The following EHF variants were observed in gnomAD, a reference collection of about 807,000 sequenced individuals.
EHF encodes ETS homologous factor, also known as ESE3 transcription factor.
A neutral mutation model predicts 45.1 loss-of-function variants in EHF; 14 were observed. The observed-to-expected ratio is 0.31, with a 90% CI of 0.21 to 0.49. The LOEUF is 0.49. Among genes scored for constraint, EHF ranks in the 20% least tolerant of loss-of-function variants. EHF has a pLI of 0.99. For synonymous variants in EHF, 136 were observed against 131.8 expected, an observed-to-expected ratio of 1.03 and a Z score of -0.22; for missense variants, 282 against 371.4, an observed-to-expected ratio of 0.76 and a Z score of 1.98.
chr11:34,644,420 T>C (rs1854312309), intron 2 of EHF, among the ~76,000 whole-genome samples: 1 of 152,220 alleles, frequency 6.6e-6, no homozygotes, highest in South Asian at 2.1e-4. Context: ...TATAATTAGA[T>C]TTTTAGATTA....
intron 6 of EHF, among the ~76,000 whole-genome samples, chr11:34,652,524 C>T (rs143553494): frequency 5.6e-4 from 85 of 152,228 alleles, no homozygotes; most frequent in African/African-American, 2.0e-3. Flanking sequence ...GGTGCATTGG[C>T]GTGTACAGTG....
At position 34,651,807 on chromosome 11, in the gene EHF, T is replaced by A. The variant is rs1239569619; in HGVS notation, c.544+2T>A. ...CAACCACCAGTCACCTTCCTGTTGG[T>A]AAGCTGTCATCACATCTGAGGCTGG... On this transcript the variant is annotated splice_donor_variant, in intron 6 of 8. Coordinates refer to ENST00000257831, the MANE Select transcript of EHF (RefSeq NM_012153.6). LOFTEE classifies it high-confidence loss of function. 2 of 1,613,504 alleles carry A rather than the reference T, an allele frequency of 1.2e-6. No homozygotes were observed. The highest frequency in any genetic ancestry group is 2.7e-5 in the African/African-American group (2 of 74,904).
chr11:34,632,853 CA>C, intron 1 of EHF, among the ~76,000 whole-genome samples: 1 of 152,196 alleles, frequency 6.6e-6, no homozygotes, highest in Admixed American at 6.5e-5. Context: ...CAGCACCTAG[CA>C]AAGTGCCCAG....
In EHF at chr11:34,662,986, G is replaced by A. The variant is rs537392358; in HGVS notation, c.*4055G>A. Among the ~76,000 whole-genome samples, 132 of 152,156 alleles carry A rather than the reference G, an allele frequency of 8.7e-4. 1 individual carries two copies. The highest frequency in any genetic ancestry group is 1.5e-3 in the South Asian group (7 of 4,816). ...TAAAAAAAACTCCTGTTGAGACTGT[G>A]TCTTATGAACCTCTGAAACGTACAA... On this transcript the variant is annotated 3_prime_UTR_variant, in exon 9 of 9. Coordinates refer to ENST00000257831, the MANE Select transcript of EHF (RefSeq NM_012153.6).
At chr11:34,652,582 T>A (rs1441433330) in intron 6 of EHF, among the ~76,000 whole-genome samples, 2 of 152,210 alleles carry the variant, frequency 1.3e-5, no homozygotes, top group Admixed American at 6.5e-5. Context: ...GATCTGAGTA[T>A]GAACTTGTGG....
At chr11:34,656,767 G>T in intron 6 of EHF, 141 bp from the exon 7 acceptor site, 1 of 828,776 alleles carries the variant, frequency 1.2e-6, no homozygotes, top group Non-Finnish European at 1.8e-6. Context: ...TCTCTGTTTT[G>T]TTTGGTTCAC....
intron 4 of EHF, among the ~76,000 whole-genome samples, chr11:34,651,080 C>A (rs1855111785): frequency 6.6e-6 from 1 of 152,064 alleles, no homozygotes; most frequent in Non-Finnish European, 1.5e-5. Flanking sequence ...TGACAAGACT[C>A]TTCCTGAAAG....
chr11:34,648,072 G>T (rs553884248), intron 3 of EHF, among the ~76,000 whole-genome samples: 1 of 152,272 alleles, frequency 6.6e-6, no homozygotes, highest in East Asian at 1.9e-4. Flanking sequence ...TGCTGCTGTA[G>T]CCTCTGAGTT....
chr11:34,662,369 C>T lies in EHF; in HGVS notation c.*3438C>T, dbSNP rs1479510816. On this transcript the variant is annotated 3_prime_UTR_variant, in exon 9 of 9. Transcript: ENST00000257831. ...TACTTGCGCTGAAATGAAACCAAAACAGGCCGTTGGGTTCCACAAGTCAAT... is the reference window on the plus strand; with the variant it reads ...TACTTGCGCTGAAATGAAACCAAAATAGGCCGTTGGGTTCCACAAGTCAAT... 6.6e-6 allele frequency among the ~76,000 whole-genome samples: 1 copy of T among 151,992 alleles called. No homozygotes were observed. Among genetic ancestry groups the T allele is most frequent in the African/African-American group, 2.4e-5 (1 of 41,412 alleles).
In EHF at chr11:34,659,633, G is replaced by C. The variant is rs2134247570; in HGVS notation, c.*702G>C. On this transcript the variant is annotated 3_prime_UTR_variant, in exon 9 of 9. Transcript: ENST00000257831. The stretch of plus-strand genomic sequence containing the variant: ...TGTCTTCCTTTCTCCCCTTTGGATG[G>C]TTGGTGAAATACTTTAATTGCCCTG... 6.6e-6 allele frequency: 1 copy of C among 152,250 alleles called. No homozygotes were observed. Among genetic ancestry groups the C allele is most frequent in the South Asian group, 2.1e-4 (1 of 4,814 alleles). The allele number at this position is 152,250 out of a possible 1,614,324, so 9.4% of individuals were successfully genotyped here.
chr11:34,657,028 G>A, intron 7 of EHF, 58 bp downstream of exon 7: 1 of 1,596,626 alleles, frequency 6.3e-7, no homozygotes, highest in Admixed American at 1.7e-5. Context: ...GGGCACATCT[G>A]GAGGCCACTA....
chr11:34,637,757 G>T (rs953176915), intron 1 of EHF, among the ~76,000 whole-genome samples: 3 of 152,116 alleles, frequency 2.0e-5, no homozygotes, highest in African/African-American at 7.2e-5. Flanking sequence ...AAGAGGTGAA[G>T]TTTGGGAAAA....
intron 1 of EHF, among the ~76,000 whole-genome samples, chr11:34,640,772 C>A (rs544858482): frequency 6.6e-6 from 1 of 152,230 alleles, no homozygotes; most frequent in South Asian, 2.1e-4. Context: ...AGTATAGTCA[C>A]CATCTGTAAA....
Position 34,660,641 on chromosome 11 carries a change from A to G in EHF, c.*1710A>G, listed in dbSNP as rs889754115. 1.3e-5 allele frequency: 2 copies of G among 152,090 alleles called. No homozygotes were observed. The highest frequency in any genetic ancestry group is 2.9e-5 in the Non-Finnish European group (2 of 67,998). The allele number at this position is 152,090 out of a possible 1,614,324, so 9.4% of individuals were successfully genotyped here. Reference sequence around the variant, plus strand: ...GTAGACACTTTGAAAATGGATTTGAATGTTCTCATCCCTTTTGCAGCTTTT... The same window carrying G: ...GTAGACACTTTGAAAATGGATTTGAGTGTTCTCATCCCTTTTGCAGCTTTT... On this transcript the variant is annotated 3_prime_UTR_variant, in exon 9 of 9. Transcript: ENST00000257831.
intron 4 of EHF, 66 bp from the exon 5 acceptor site, chr11:34,651,476 A>G: frequency 1.4e-6 from 2 of 1,385,984 alleles, no homozygotes; most frequent in East Asian, 2.3e-5. Flanking sequence ...AATGAATTAG[A>G]AAACGCAGCC....
At position 34,649,689 on chromosome 11, in the gene EHF, C is replaced by T. The variant is rs567698591; in HGVS notation, c.406+608C>T. ...TCTACATTCATTTTCGTTTCCTTTC[C>T]CCTGTCCTAAATCTCTCTCCTGGAG... On this transcript the variant is annotated intron_variant, in intron 4 of 8. Coordinates refer to ENST00000257831, the MANE Select transcript of EHF (RefSeq NM_012153.6). 3.9e-5 allele frequency among the ~76,000 whole-genome samples: 6 copies of T among 152,278 alleles called. No individual in the cohort carries two copies. The South Asian group carries it at 1.2e-3, about 32-fold the overall frequency.
At chr11:34,631,229 A>C (rs1262583558) in intron 1 of EHF, among the ~76,000 whole-genome samples, 1 of 151,982 alleles carries the variant, frequency 6.6e-6, no homozygotes, top group African/African-American at 2.4e-5. Context: ...ACGGGGTTTC[A>C]CCATATTAAC....
rs1357344758 is a variant in EHF at position 34,642,659 on chromosome 11, A to G, written c.29A>G (p.Asn10Ser). 6.2e-7 allele frequency: 1 copy of G among 1,613,952 alleles called. No homozygotes were observed. The highest frequency in any genetic ancestry group is 8.5e-7 in the Non-Finnish European group (1 of 1,179,946). Reference sequence around the variant, plus strand: ...ATTCTGGAAGGAGGTGGTGTAATGAATCTCAACCCCGGCAACAACCTCCTT... The same window carrying G: ...ATTCTGGAAGGAGGTGGTGTAATGAGTCTCAACCCCGGCAACAACCTCCTT... MILEGGGVM[N>S]LNPGNNLLHQ... is the part of the protein sequence containing the mutation. Residue 10 changes from asparagine (N) to serine (S), a missense_variant, in exon 2 of 9, where the codon AAT becomes AGT. Transcript: ENST00000257831.
chr11:34,651,936 C>T, intron 6 of EHF, 131 bp downstream of exon 6: 1 of 865,954 alleles, frequency 1.2e-6, no homozygotes. Context: ...GATGGGGTTA[C>T]CATTAGACGA....
Sources: gnomAD v4.1 joint callset for allele counts (sites outside exome capture counted in the v4.1 genomes callset) on GRCh38, gnomAD v4.1.1 for gene constraint, MANE v1.5 for transcripts, NCBI Gene and HGNC (gene_info 2026-07-23, HGNC 2026-07-21) for gene names.